Variants in MTHFD1L observed in about 807,000 individuals in gnomAD.
MTHFD1L encodes the protein methylenetetrahydrofolate dehydrogenase (NADP+ dependent) 1 like.
Under a neutral mutation model 119.5 loss-of-function variants are expected in MTHFD1L, and 81 were observed. That is an observed-to-expected ratio of 0.68 (90% CI 0.57 to 0.82). The LOEUF is 0.82. Among genes scored for constraint, MTHFD1L ranks in the 40% least tolerant of loss-of-function variants. MTHFD1L has a pLI of 0.00. For missense variants in MTHFD1L, 1,125 were observed against 1,253.4 expected, an observed-to-expected ratio of 0.90 and a Z score of 1.55; for synonymous variants, 430 against 475.2, an observed-to-expected ratio of 0.90 and a Z score of 1.24.
At chr6:151,005,544 G>A (rs1235387682) in intron 20 of MTHFD1L, among the ~76,000 whole-genome samples, 3 of 152,104 alleles carry the variant, frequency 2.0e-5, no homozygotes, top group African/African-American at 7.2e-5. Context: ...CCTAGCTAGA[G>A]TTCTCTTTAT....
chr6:151,088,853 G>A (rs760841067), intron 26 of MTHFD1L, among the ~76,000 whole-genome samples: 7 of 152,158 alleles, frequency 4.6e-5, no homozygotes, highest in Non-Finnish European at 8.8e-5. Context: ...TCCAGGAACC[G>A]CACAAATCCT....
chr6:150,892,547 C>G (rs1042582242), intron 7 of MTHFD1L, among the ~76,000 whole-genome samples: 2 of 152,158 alleles, frequency 1.3e-5, no homozygotes, highest in Non-Finnish European at 2.9e-5. Context: ...TAGAGGCTAT[C>G]AACTTTCATT....
intron 8 of MTHFD1L, among the ~76,000 whole-genome samples, chr6:150,909,259 A>G (rs960319428): frequency 4.0e-5 from 6 of 150,272 alleles, no homozygotes; most frequent in African/African-American, 1.2e-4. Context: ...TGTAAGAGTA[A>G]CTACTTTAAA....
intron 11 of MTHFD1L, among the ~76,000 whole-genome samples, chr6:150,928,656 C>G (rs1428601346): frequency 6.6e-6 from 1 of 151,578 alleles, no homozygotes; most frequent in African/African-American, 2.4e-5. Flanking sequence ...ATTCTTGTGC[C>G]TCAGCTTCCC....
intron 26 of MTHFD1L, among the ~76,000 whole-genome samples, chr6:151,077,051 T>G (rs1199969653): frequency 6.6e-6 from 1 of 151,636 alleles, no homozygotes; most frequent in African/African-American, 2.4e-5. Context: ...GTTAGAGGGG[T>G]CAGTCCAGGA....
At chr6:150,975,898 C>T (rs1321881) in intron 20 of MTHFD1L, among the ~76,000 whole-genome samples, 65,531 of 152,046 alleles carry the variant, frequency 0.43, 16,298 homozygotes, top group African/African-American at 0.65. Flanking sequence ...GCTGGGGACA[C>T]GCCCTGAGCC....
chr6:150,974,745 A>AT (rs1239067831), intron 20 of MTHFD1L, among the ~76,000 whole-genome samples: 3 of 106,710 alleles, frequency 2.8e-5, no homozygotes, highest in African/African-American at 9.3e-5. Context: ...TTTTTTTTTT[A>AT]TTTTTTGTGA....
At position 150,904,650 on chromosome 6, in the gene MTHFD1L, G is replaced by A. The variant is rs924916196; in HGVS notation, c.781-1000G>A. 3.3e-5 allele frequency among the ~76,000 whole-genome samples: 5 copies of A among 152,136 alleles called. No individual in the cohort carries two copies. The South Asian group carries it at 6.2e-4, about 19-fold the overall frequency. On this transcript the variant is annotated intron_variant, in intron 7 of 27. Transcript: ENST00000367321. Reference sequence around the variant, plus strand: ...GGGATCCAGTTTGAAATCATCAGTTGCTCAGTAGGGCCTGGGGAGCTAGCT... The same window carrying A: ...GGGATCCAGTTTGAAATCATCAGTTACTCAGTAGGGCCTGGGGAGCTAGCT...
rs902643393 is a variant in MTHFD1L, at chr6:151,039,649, G to A, written c.2847+2532G>A. 6.6e-6 allele frequency among the ~76,000 whole-genome samples: 1 copy of A among 152,148 alleles called. No homozygotes were observed. The highest frequency in any genetic ancestry group is 2.4e-5 in the African/African-American group (1 of 41,428). On this transcript the variant is annotated intron_variant, in intron 26 of 27. Transcript: ENST00000367321. The surrounding 1 kb of genome is among the most constrained non-coding windows in gnomAD (Gnocchi z 4.4). ...TGGCCTCAGTCAGCCGGGTGCGGTG[G>A]CTCACGCCTGTAATCCCAGCACTTT...
chr6:151,015,556 G>C lies in MTHFD1L; in HGVS notation c.2449G>C (p.Ala817Pro), dbSNP rs770836139. 1 of 1,614,094 alleles carries C rather than the reference G, an allele frequency of 6.2e-7. No individual in the cohort carries two copies. Among genetic ancestry groups the C allele is most frequent in the Non-Finnish European group, 8.5e-7 (1 of 1,180,002 alleles). ...RAEIDLVCELAKRAGAFDAVP... is the reference protein window; with the variant it reads ...RAEIDLVCELPKRAGAFDAVP... ...TGAGATTGACTTGGTGTGTGAGCTTGCAAAGCGGGCTGGTGCCTTTGATGC... is the reference window on the plus strand; with the variant it reads ...TGAGATTGACTTGGTGTGTGAGCTTCCAAAGCGGGCTGGTGCCTTTGATGC... The change falls in exon 24 of 28, where the codon GCA becomes CCA. Residue 817 changes from alanine to proline, a missense_variant. Coordinates refer to ENST00000367321, the MANE Select transcript of MTHFD1L (RefSeq NM_015440.5).
intron 27 of MTHFD1L, among the ~76,000 whole-genome samples, chr6:151,096,142 G>A (rs1794879532): frequency 6.6e-6 from 1 of 152,214 alleles, no homozygotes; most frequent in Admixed American, 6.5e-5. Context: ...TATTTGAACA[G>A]ACAGGTACTT....
At chr6:150,998,041 A>G (rs559026463) in intron 20 of MTHFD1L, among the ~76,000 whole-genome samples, 47 of 152,338 alleles carry the variant, frequency 3.1e-4, no homozygotes, top group African/African-American at 1.1e-3. Flanking sequence ...CAGAGCAGCA[A>G]TTGCATTTTA....
chr6:150,972,486 C>T (rs1307194122), intron 20 of MTHFD1L, among the ~76,000 whole-genome samples: 1 of 152,138 alleles, frequency 6.6e-6, no homozygotes, highest in African/African-American at 2.4e-5. Context: ...AGCTAGGGAT[C>T]CAGTGGTAAG....
rs566670468 is a variant in MTHFD1L, at chr6:150,887,407, C to G, written c.644-438C>G. ...TTTTTGTTGATTACAACACCCCACT[C>G]CTAGTTCCTAGTCATTGTAGGTTGG... On this transcript the variant is annotated intron_variant, in intron 6 of 27. Coordinates refer to ENST00000367321, the MANE Select transcript of MTHFD1L (RefSeq NM_015440.5). Among the ~76,000 whole-genome samples, 6 of 152,298 alleles carry G rather than the reference C, an allele frequency of 3.9e-5. No homozygotes were observed. In the South Asian group the frequency reaches 8.3e-4, roughly 21 times the overall value.
intron 16 of MTHFD1L, among the ~76,000 whole-genome samples, chr6:150,950,262 A>G (rs963189868): frequency 2.6e-5 from 4 of 152,120 alleles, no homozygotes; most frequent in African/African-American, 9.7e-5. Context: ...CTTTCTAGTC[A>G]GCAGTGCCGA....
At chr6:150,950,621 G>A (rs565817064) in intron 16 of MTHFD1L, among the ~76,000 whole-genome samples, 11 of 152,238 alleles carry the variant, frequency 7.2e-5, no homozygotes, top group African/African-American at 2.6e-4. Flanking sequence ...CTGCCCACAC[G>A]ATCATCAGAA....
At chr6:150,984,609 A>G (rs1404189928) in intron 20 of MTHFD1L, among the ~76,000 whole-genome samples, 1 of 151,898 alleles carries the variant, frequency 6.6e-6, no homozygotes, top group African/African-American at 2.4e-5. Flanking sequence ...AAGTAAAAGT[A>G]AAAAAGTACC....
chr6:150,989,679 G>A (rs981976447), intron 20 of MTHFD1L, among the ~76,000 whole-genome samples: 1 of 152,108 alleles, frequency 6.6e-6, no homozygotes, highest in Non-Finnish European at 1.5e-5. Context: ...GAATACTTAG[G>A]AAATAAGTTT....
chr6:151,004,209 C>T (rs1215603238), intron 20 of MTHFD1L, among the ~76,000 whole-genome samples: 1 of 151,894 alleles, frequency 6.6e-6, no homozygotes, highest in East Asian at 1.9e-4. Context: ...CCTGTAATCC[C>T]AGTTACTTGG....
Sources: gnomAD v4.1 joint callset for allele counts (sites outside exome capture counted in the v4.1 genomes callset) on GRCh38, gnomAD v4.1.1 for gene constraint, Gnocchi (gnomAD v3.1) non-coding constraint, MANE v1.5 for transcripts, NCBI Gene and HGNC (gene_info 2026-07-23, HGNC 2026-07-21) for gene names.